GSG1L: variants seen among roughly 807,000 people sequenced by gnomAD.
GSG1L encodes germ cell-specific gene 1-like protein.
Under a neutral mutation model 42.1 loss-of-function variants are expected in GSG1L, and 24 were observed. The observed-to-expected ratio is 0.57, with a 90% confidence interval of 0.41 to 0.80. The LOEUF (loss-of-function observed/expected upper bound fraction) is 0.80. GSG1L is among the 30% of genes least tolerant of loss of function. GSG1L has a pLI of 0.00. For missense variants in GSG1L, 445 were observed against 472.2 expected (o/e 0.94, Z 0.53); for synonymous variants, 215 against 203.5 (o/e 1.06, Z -0.48).
rs2086367359 is a variant in GSG1L, at chr16:28,063,305, G to A, written c.120C>T (p.Pro40=). The A allele has an allele frequency of 3.6e-6, 5 of 1,391,196 alleles. No homozygotes were observed. Among genetic ancestry groups the A allele is most frequent in the East Asian group, 3.5e-5 (1 of 28,700 alleles). The allele number at this position is 1,391,196 out of a possible 1,614,324, so 86.2% of individuals were successfully genotyped here. The change falls in exon 1 of 7, where the codon CCC becomes CCT. Residue 40 remains proline (P), a synonymous_variant. Transcript: ENST00000447459. The surrounding 1 kb of genome is among the most constrained non-coding windows in gnomAD (Gnocchi z 5.8). ...THWCQGTQRV[P]KPGCGQGGRA... ...GCCCGCCCTGGCCGCAGCCCGGCTTGGGGACCCGCTGCGTGCCCTGGCACC... is the reference window on the plus strand; with the variant it reads ...GCCCGCCCTGGCCGCAGCCCGGCTTAGGGACCCGCTGCGTGCCCTGGCACC...
chr16:27,880,118 C>T (rs867732101), intron 3 of GSG1L, among the ~76,000 whole-genome samples: 5 of 152,204 alleles, frequency 3.3e-5, no homozygotes, highest in South Asian at 2.1e-4. Context: ...AGCACTTTCC[C>T]TCCCACAGGA....
At chr16:27,913,195 A>G (rs2084412205) in intron 2 of GSG1L, among the ~76,000 whole-genome samples, 1 of 152,224 alleles carries the variant, frequency 6.6e-6, no homozygotes, top group African/African-American at 2.4e-5. Flanking sequence ...TTAACATGAT[A>G]ACACATGTAC....
intron 1 of GSG1L, among the ~76,000 whole-genome samples, chr16:28,004,682 GCA>G (rs2085620313): frequency 6.6e-6 from 1 of 152,034 alleles, no homozygotes. Flanking sequence ...GTAGGCTGGG[GCA>G]GGAAGTTTGC....
chr16:27,793,841 G>C (rs1374772164), intron 6 of GSG1L, among the ~76,000 whole-genome samples: 2 of 152,152 alleles, frequency 1.3e-5, no homozygotes, highest in Non-Finnish European at 2.9e-5. Context: ...AGCCCACCAG[G>C]GACCCCCACC....
intron 6 of GSG1L, among the ~76,000 whole-genome samples, chr16:27,792,030 C>G (rs1447617528): frequency 6.6e-6 from 1 of 152,052 alleles, no homozygotes. Flanking sequence ...ATCTGCCCAC[C>G]CATTTTCCCT....
intron 3 of GSG1L, among the ~76,000 whole-genome samples, chr16:27,865,817 C>T (rs1327492264): frequency 6.6e-6 from 1 of 151,692 alleles, no homozygotes; most frequent in African/African-American, 2.4e-5. Flanking sequence ...CCTGCCTCAG[C>T]CTCCTGAGCA....
At chr16:27,811,686 T>C (rs2083033011) in intron 5 of GSG1L, among the ~76,000 whole-genome samples, 1 of 152,254 alleles carries the variant, frequency 6.6e-6, no homozygotes, top group South Asian at 2.1e-4. Context: ...TCTCGCTCTG[T>C]CGCCCAGGCT....
intron 2 of GSG1L, among the ~76,000 whole-genome samples, chr16:27,931,311 C>A (rs922536892): frequency 1.3e-5 from 2 of 152,140 alleles, no homozygotes; most frequent in Non-Finnish European, 2.9e-5. Flanking sequence ...CTGTGGACAT[C>A]CCGCTCTGAT....
intron 2 of GSG1L, among the ~76,000 whole-genome samples, chr16:27,943,566 C>CTT (rs11385465): frequency 0.046 from 3,151 of 67,768 alleles, 687 homozygotes; most frequent in Non-Finnish European, 0.056. Flanking sequence ...TTCTTTGTTT[C>CTT]TTTTTTTTTT....
chr16:27,828,738 G>A lies in GSG1L; in HGVS notation c.830+51C>T, dbSNP rs374548582. On this transcript the variant is annotated intron_variant, in intron 5 of 6. Coordinates refer to ENST00000447459, the MANE Select transcript of GSG1L (RefSeq NM_001109763.2). ...GCCCGGTGGCCACTGAGGCCAGGCC[G>A]TGGGCTTTAGAGTCCCCGTGGTGGC... 369 of 1,559,138 alleles carry A rather than the reference G, an allele frequency of 2.4e-4. 1 individual carries two copies. Among genetic ancestry groups the A allele is most frequent in the Non-Finnish European group, 1.8e-4 (205 of 1,142,262 alleles).
intron 2 of GSG1L, among the ~76,000 whole-genome samples, chr16:27,920,611 G>C (rs1289983991): frequency 6.6e-6 from 1 of 152,210 alleles, no homozygotes; most frequent in Non-Finnish European, 1.5e-5. Flanking sequence ...TGAGGAGCGT[G>C]GGCCGGTCAC....
intron 2 of GSG1L, among the ~76,000 whole-genome samples, chr16:27,947,549 GAAAGAAAGAA>G (rs2084893991): frequency 1.8e-5 from 1 of 56,422 alleles, no homozygotes; most frequent in South Asian, 4.4e-4. Context: ...AGGAAAGAAA[GAAAGAAAGAA>G]AGAAAGAAAG....
intron 2 of GSG1L, among the ~76,000 whole-genome samples, chr16:27,912,379 T>C (rs1453943345): frequency 6.6e-6 from 1 of 152,154 alleles, no homozygotes; most frequent in Non-Finnish European, 1.5e-5. Flanking sequence ...TAGCCAGGCA[T>C]GGTGGTGTGC....
At chr16:27,910,023 G>A (rs2084368154) in intron 2 of GSG1L, among the ~76,000 whole-genome samples, 1 of 140,032 alleles carries the variant, frequency 7.1e-6, no homozygotes, top group Non-Finnish European at 1.5e-5. Context: ...GTAGTGGCAT[G>A]ATCTCAGCTC....
chr16:28,013,510 G>T (rs770630289), intron 1 of GSG1L, among the ~76,000 whole-genome samples: 1 of 152,182 alleles, frequency 6.6e-6, no homozygotes, highest in Non-Finnish European at 1.5e-5. Context: ...ACAGTGCTTG[G>T]CAGGGAAATG....
chr16:27,899,558 A>C (rs1006598082), intron 2 of GSG1L, among the ~76,000 whole-genome samples: 2 of 152,190 alleles, frequency 1.3e-5, no homozygotes, highest in Non-Finnish European at 1.5e-5. Flanking sequence ...CTCTACAAAA[A>C]TTTAAAAAAT....
At chr16:27,813,073 C>A (rs754645328) in intron 5 of GSG1L, among the ~76,000 whole-genome samples, 1 of 152,176 alleles carries the variant, frequency 6.6e-6, no homozygotes, top group Non-Finnish European at 1.5e-5. Flanking sequence ...AGCCACCGCA[C>A]CCGGCCAGCT....
At chr16:27,881,063 C>A (rs1470093734) in intron 3 of GSG1L, among the ~76,000 whole-genome samples, 1 of 152,034 alleles carries the variant, frequency 6.6e-6, no homozygotes. Flanking sequence ...GACCATCTGA[C>A]CCCTTCTCAG....
At chr16:27,841,526 T>A (rs551108065) in intron 4 of GSG1L, among the ~76,000 whole-genome samples, 5 of 152,062 alleles carry the variant, frequency 3.3e-5, no homozygotes, top group Admixed American at 1.3e-4. Context: ...TGTTCTCCTC[T>A]CCAGTACCGG....
Sources: gnomAD v4.1 joint callset for allele counts (sites outside exome capture counted in the v4.1 genomes callset) on GRCh38, gnomAD v4.1.1 for gene constraint, Gnocchi (gnomAD v3.1) non-coding constraint, MANE v1.5 for transcripts, NCBI Gene and HGNC (gene_info 2026-07-23, HGNC 2026-07-21) for gene names.